Variants in PELI1 observed in about 807,000 individuals in gnomAD.
PELI1 encodes E3 ubiquitin-protein ligase pellino homolog 1.
Under a neutral mutation model 41.3 loss-of-function variants are expected in PELI1, and 15 were observed. The observed-to-expected ratio is 0.36, with a 90% CI of 0.24 to 0.56. The LOEUF is 0.56. PELI1 is among the 20% of genes least tolerant of loss of function. PELI1 has a pLI of 0.82. For missense variants in PELI1, 403 were observed against 525.5 expected (o/e 0.77, Z 2.28); for synonymous variants, 178 against 180.1 (o/e 0.99, Z 0.09).
intron 1 of PELI1, among the ~76,000 whole-genome samples, chr2:64,131,221 T>C (rs1681543267): frequency 6.6e-6 from 1 of 152,034 alleles, no homozygotes; most frequent in Non-Finnish European, 1.5e-5. Context: ...TAAGATATTA[T>C]ATTAAATTTG....
intron 1 of PELI1, among the ~76,000 whole-genome samples, chr2:64,137,441 ACT>A (rs1216400235): frequency 1.3e-5 from 2 of 152,144 alleles, no homozygotes; most frequent in African/African-American, 4.8e-5. Context: ...ACCTGAAATT[ACT>A]GTTTTGATAC....
chr2:64,143,394 G>C (rs911918475), intron 1 of PELI1: 18 of 152,146 alleles, frequency 1.2e-4, no homozygotes, highest in Non-Finnish European at 4.4e-5. Context: ...TTTGGAGAAC[G>C]GGTTCTTCCT....
At chr2:64,102,228 G>A (rs1034950790) in intron 3 of PELI1, among the ~76,000 whole-genome samples, 5 of 152,018 alleles carry the variant, frequency 3.3e-5, no homozygotes, top group African/African-American at 1.2e-4. Context: ...CCTCAAGAAT[G>A]CAGTGTAGAT....
chr2:64,103,140 C>G (rs1680503054), intron 3 of PELI1, among the ~76,000 whole-genome samples: 1 of 151,952 alleles, frequency 6.6e-6, no homozygotes, highest in African/African-American at 2.4e-5. Flanking sequence ...CCGCACCCAG[C>G]CAAGAGTCAA....
chr2:64,139,560 G>A (rs922618310), intron 1 of PELI1, among the ~76,000 whole-genome samples: 3 of 152,210 alleles, frequency 2.0e-5, no homozygotes, highest in Non-Finnish European at 4.4e-5. Flanking sequence ...CTCTCAAGGT[G>A]CTAGGATTAC....
rs565070802 is a variant in PELI1, at chr2:64,093,830, T to A, written c.*872A>T. ...TTTTTTTCTAGAAACAGTGAACAGA[T>A]GAACCACAGTTTATATCCAAAAAAT... On this transcript the variant is annotated 3_prime_UTR_variant, in exon 7 of 7. Transcript: ENST00000358912. 2 of 152,748 alleles carry A rather than the reference T, an allele frequency of 1.3e-5. No individual in the cohort carries two copies. The highest frequency in any genetic ancestry group is 2.1e-4 in the South Asian group (1 of 4,824). 9.5% of individuals were successfully genotyped at this position (152,748 alleles called of 1,614,324 possible).
At chr2:64,136,981 T>C (rs1681738754) in intron 1 of PELI1, among the ~76,000 whole-genome samples, 1 of 152,242 alleles carries the variant, frequency 6.6e-6, no homozygotes, top group African/African-American at 2.4e-5. Context: ...TGGCTTTCTT[T>C]ACTCAATATT....
intron 1 of PELI1, among the ~76,000 whole-genome samples, chr2:64,118,254 T>A (rs549520843): frequency 1.2e-4 from 18 of 152,348 alleles, no homozygotes; most frequent in Non-Finnish European, 2.2e-4. Flanking sequence ...TATTGTTATG[T>A]TAGCACATTA....
intron 6 of PELI1, 30 bp from the exon 7 acceptor site, chr2:64,095,298 T>C (rs756282053): frequency 6.7e-7 from 1 of 1,498,830 alleles, no homozygotes; most frequent in Non-Finnish European, 9.3e-7. Context: ...AAAAACATAT[T>C]CACCACTCTG....
In PELI1 at chr2:64,104,797, T is replaced by TCCTCTATCG; in HGVS notation, c.96_104dup (p.Asp33_Gly35dup). ...ACAAAGCAAACCTACTTTTCCTCCT[T>TCCTCTATCG]CCTCTATCGCCATTTGGGAGAGACC... On this transcript the variant is annotated inframe_insertion, in exon 3 of 7. Coordinates refer to ENST00000358912, the MANE Select transcript of PELI1 (RefSeq NM_020651.4). 6.2e-7 allele frequency: 1 copy of TCCTCTATCG among 1,613,504 alleles called. No individual in the cohort carries two copies. Among genetic ancestry groups the TCCTCTATCG allele is most frequent in the Non-Finnish European group, 8.5e-7 (1 of 1,179,712 alleles).
intron 4 of PELI1, among the ~76,000 whole-genome samples, chr2:64,098,270 T>A (rs987401785): frequency 2.6e-5 from 4 of 152,246 alleles, no homozygotes; most frequent in Non-Finnish European, 4.4e-5. Flanking sequence ...TTACTCTCCC[T>A]TACCCTCATG....
chr2:64,133,399 A>C (rs993844178), intron 1 of PELI1, among the ~76,000 whole-genome samples: 6 of 152,154 alleles, frequency 3.9e-5, no homozygotes, highest in African/African-American at 1.4e-4. Context: ...CTGGAGCTGG[A>C]AGAGACCCAA....
chr2:64,101,364 A>G (rs1680426043), intron 3 of PELI1, among the ~76,000 whole-genome samples: 1 of 152,082 alleles, frequency 6.6e-6, no homozygotes, highest in Non-Finnish European at 1.5e-5. Flanking sequence ...TCATAGAATG[A>G]TTAAACATTA....
chr2:64,120,217 C>A (rs1283912428), intron 1 of PELI1, among the ~76,000 whole-genome samples: 1 of 152,202 alleles, frequency 6.6e-6, no homozygotes, highest in Non-Finnish European at 1.5e-5. Context: ...ATGTGCTGTT[C>A]TCAGATTATC....
chr2:64,131,239 A>G (rs1472514902), intron 1 of PELI1, among the ~76,000 whole-genome samples: 1 of 148,550 alleles, frequency 6.7e-6, no homozygotes, highest in Admixed American at 6.7e-5. Context: ...TTGTTAAAGT[A>G]GTGCCAAATT....
intron 1 of PELI1, among the ~76,000 whole-genome samples, chr2:64,138,039 T>TC (rs1002800402): frequency 1.3e-5 from 2 of 152,176 alleles, no homozygotes; most frequent in Non-Finnish European, 2.9e-5. Flanking sequence ...AACCTTCCTT[T>TC]CCCATGCTGA....
chr2:64,130,018 T>C (rs1390615879), intron 1 of PELI1, among the ~76,000 whole-genome samples: 1 of 152,214 alleles, frequency 6.6e-6, no homozygotes, highest in African/African-American at 2.4e-5. Context: ...GTGGCTGCAG[T>C]AGAAAGCTTC....
intron 1 of PELI1, among the ~76,000 whole-genome samples, chr2:64,119,990 A>G (rs1681152973): frequency 6.6e-6 from 1 of 152,234 alleles, no homozygotes; most frequent in South Asian, 2.1e-4. Context: ...GTCTGGTTAT[A>G]AAATACTATA....
intron 2 of PELI1, among the ~76,000 whole-genome samples, chr2:64,106,552 C>G (rs1040581882): frequency 6.6e-6 from 1 of 152,170 alleles, no homozygotes; most frequent in Admixed American, 6.5e-5. Context: ...ATTTGAAGTT[C>G]TAATACTGTA....
Sources: allele counts gnomAD v4.1 joint callset (sites outside exome capture counted in the v4.1 genomes callset), GRCh38; gene constraint gnomAD v4.1.1; transcripts MANE v1.5; gene names NCBI Gene and HGNC (gene_info 2026-07-23, HGNC 2026-07-21).